The following CDC42 variants were observed in gnomAD, a reference collection of about 807,000 sequenced individuals.
The protein encoded by CDC42 is cell division cycle 42, also known as cell division control protein 42 homolog.
CDC42 carries 1 observed loss-of-function variant against 20.8 expected under a neutral mutation model. That is an observed-to-expected ratio of 0.05 (90% CI 0.02 to 0.23). The LOEUF (loss-of-function observed/expected upper bound fraction) is 0.23. Among genes scored for constraint, CDC42 ranks in the 10% least tolerant of loss-of-function variants. The pLI is 1.00. For synonymous variants in CDC42, 72 were observed against 84.8 expected (o/e 0.85, Z 0.83); for missense variants, 49 against 227.9 (o/e 0.21, Z 5.05).
chr1:22,076,568 A>G (rs1461469874), intron 1 of CDC42, among the ~76,000 whole-genome samples: 2 of 152,210 alleles, frequency 1.3e-5, no homozygotes, highest in East Asian at 3.8e-4. Context: ...TCTGTAAAAT[A>G]GGGATAATAC....
chr1:22,070,303 A>G (rs1190924134), intron 1 of CDC42, among the ~76,000 whole-genome samples: 1 of 152,144 alleles, frequency 6.6e-6, no homozygotes, highest in Non-Finnish European at 1.5e-5. Context: ...AGCTCCCACA[A>G]TTTAGCCTAA....
rs975256140 is a variant in CDC42, at chr1:22,100,535, A to G, written c.*9018A>G. 4 of 152,190 alleles carry G rather than the reference A, an allele frequency of 2.6e-5. No homozygotes were observed. The highest frequency in any genetic ancestry group is 5.9e-5 in the Non-Finnish European group (4 of 68,040). The allele number at this position is 152,190 out of a possible 1,614,324, so 9.4% of individuals were successfully genotyped here. On this transcript the variant is annotated 3_prime_UTR_variant, in exon 6 of 6. Transcript: ENST00000656825. ...AGTGGAAATAGCTGTACTTTGCCCA[A>G]GAGTTGTGAGAGTGACATGAATTGC...
At chr1:22,071,243 A>AC (rs1367909224) in intron 1 of CDC42, among the ~76,000 whole-genome samples, 1 of 151,504 alleles carries the variant, frequency 6.6e-6, no homozygotes, top group Non-Finnish European at 1.5e-5. Flanking sequence ...TCGGGGTTTC[A>AC]CCATGTTAGC....
intron 1 of CDC42, among the ~76,000 whole-genome samples, chr1:22,054,942 T>G (rs1256738289): frequency 3.1e-5 from 1 of 32,314 alleles, no homozygotes; most frequent in African/African-American, 1.5e-4. Context: ...TTTTTTTTTT[T>G]TTTTTTTTTT....
At chr1:22,086,987 A>G (rs1324598927) in intron 5 of CDC42, 121 bp downstream of exon 5, 1 of 773,430 alleles carries the variant, frequency 1.3e-6, no homozygotes, top group East Asian at 2.5e-5. Flanking sequence ...AAGAATATGA[A>G]CAGCTTCATA....
intron 5 of CDC42, chr1:22,090,308 C>G (rs1557908403): frequency 4.5e-6 from 5 of 1,111,554 alleles, no homozygotes; most frequent in Non-Finnish European, 5.5e-6. Context: ...CAAAAGGGAA[C>G]TTGGTCTGGC....
rs1255177417 is a variant in CDC42 at position 22,101,215 on chromosome 1, C to T, written c.*9698C>T. 6.6e-6 allele frequency: 1 copy of T among 152,172 alleles called. No individual in the cohort carries two copies. The highest frequency in any genetic ancestry group is 2.4e-5 in the African/African-American group (1 of 41,426). The allele number at this position is 152,172 out of a possible 1,614,324, so 9.4% of individuals were successfully genotyped here. ...TTTGATACTATATCTTCATTTCTCC[C>T]ATGGTAGTAATAACACTGTTGGAAA... On this transcript the variant is annotated 3_prime_UTR_variant, in exon 6 of 6. Transcript: ENST00000656825.
intron 1 of CDC42, among the ~76,000 whole-genome samples, chr1:22,053,079 C>T (rs1457718039): frequency 6.6e-6 from 1 of 151,204 alleles, no homozygotes; most frequent in African/African-American, 2.4e-5. Context: ...GGCGCCCGGG[C>T]TCCCCTCCCC....
At chr1:22,067,590 C>T (rs1050977019) in intron 1 of CDC42, among the ~76,000 whole-genome samples, 2 of 152,228 alleles carry the variant, frequency 1.3e-5, no homozygotes, top group African/African-American at 2.4e-5. Context: ...GATGATCCGC[C>T]TGCCTCGGCC....
intron 1 of CDC42, among the ~76,000 whole-genome samples, chr1:22,077,537 G>A (rs1645564806): frequency 6.6e-6 from 1 of 151,810 alleles, no homozygotes; most frequent in Non-Finnish European, 1.5e-5. Flanking sequence ...GTACATATTG[G>A]GTGGTGTTTC....
At chr1:22,071,244 C>T (rs1645488922) in intron 1 of CDC42, among the ~76,000 whole-genome samples, 1 of 151,842 alleles carries the variant, frequency 6.6e-6, no homozygotes. Flanking sequence ...CGGGGTTTCA[C>T]CATGTTAGCC....
intron 3 of CDC42, among the ~76,000 whole-genome samples, chr1:22,083,233 CAA>C (rs1406540392): frequency 6.6e-6 from 1 of 152,084 alleles, no homozygotes; most frequent in Non-Finnish European, 1.5e-5. Context: ...TTTCAGATTT[CAA>C]AGTTTATTAT....
At chr1:22,090,884 C>T (rs1268211112) in intron 5 of CDC42, 1 of 748,162 alleles carries the variant, frequency 1.3e-6, no homozygotes, top group African/African-American at 1.9e-5. Flanking sequence ...CATTTTTGCT[C>T]CCTTGAATCT....
rs975214924 is a variant in CDC42 at position 22,094,511 on chromosome 1, A to G, written c.*2994A>G. Among the ~76,000 whole-genome samples the G allele has an allele frequency of 6.7e-6, 1 of 149,506 alleles. No individual in the cohort carries two copies. Among genetic ancestry groups the G allele is most frequent in the Non-Finnish European group, 1.5e-5 (1 of 67,600 alleles). On this transcript the variant is annotated 3_prime_UTR_variant, in exon 6 of 6. Transcript: ENST00000656825. ...ACGGGGTTTCACCGTGTTAGCCAGAATGGTCTCGATCTCCTGACCTCGTGA... is the reference window on the plus strand; with the variant it reads ...ACGGGGTTTCACCGTGTTAGCCAGAGTGGTCTCGATCTCCTGACCTCGTGA...
Position 22,065,581 on chromosome 1 carries a change from TG to T in CDC42, c.-51+12841del, listed in dbSNP as rs548015588. ...TATTAGGTATTTACTCTCTGCTAGGTGGTGTGTGTACCAGTTGCTTTATATA... is the reference window on the plus strand; with the variant it reads ...TATTAGGTATTTACTCTCTGCTAGGTGTGTGTGTACCAGTTGCTTTATATA... On this transcript the variant is annotated intron_variant, in intron 1 of 5. Transcript: ENST00000656825. 3.3e-5 allele frequency among the ~76,000 whole-genome samples: 5 copies of T among 152,190 alleles called. No homozygotes were observed. The South Asian group carries it at 1.0e-3, about 31-fold the overall frequency.
chr1:22,084,785 ATTTAGACC>A (rs1249123491), intron 3 of CDC42, among the ~76,000 whole-genome samples: 1 of 152,100 alleles, frequency 6.6e-6, no homozygotes, highest in Non-Finnish European at 1.5e-5. Context: ...TAGGTCTAAC[ATTTAGACC>A]TTTTATCCAT....
chr1:22,093,266 A>G lies in CDC42; in HGVS notation c.*1749A>G, dbSNP rs722697. Among the ~76,000 whole-genome samples the G allele has an allele frequency of 0.95, 144,012 of 152,234 alleles. 68,208 individuals are homozygous for G. Among genetic ancestry groups the G allele is most frequent in the East Asian group, 1 (5,171 of 5,174 alleles). On this transcript the variant is annotated 3_prime_UTR_variant, in exon 6 of 6. Coordinates refer to ENST00000656825, the MANE Select transcript of CDC42 (RefSeq NM_001791.4). ...TGTACCTTTAATCCATAGATCATTGAAAAGCAGCTCATTTTCCCCCAAGTT... is the reference window on the plus strand; with the variant it reads ...TGTACCTTTAATCCATAGATCATTGGAAAGCAGCTCATTTTCCCCCAAGTT...
intron 1 of CDC42, among the ~76,000 whole-genome samples, chr1:22,071,839 A>G (rs1645495563): frequency 6.6e-6 from 1 of 152,168 alleles, no homozygotes; most frequent in African/African-American, 2.4e-5. Context: ...GTTTTGGATT[A>G]GAGTGAATGT....
intron 1 of CDC42, among the ~76,000 whole-genome samples, chr1:22,057,840 C>G (rs772547273): frequency 1.1e-4 from 16 of 151,840 alleles, no homozygotes; most frequent in African/African-American, 3.6e-4. Context: ...TCTCCTGCTT[C>G]GGCCTCCTGA....
Sources: gnomAD v4.1 joint callset for allele counts (sites outside exome capture counted in the v4.1 genomes callset) on GRCh38, gnomAD v4.1.1 for gene constraint, MANE v1.5 for transcripts, NCBI Gene and HGNC (gene_info 2026-07-23, HGNC 2026-07-21) for gene names.